Variants in ZFHX3 observed in about 807,000 individuals in gnomAD.
The protein encoded by ZFHX3 is zinc finger homeobox protein 3.
A neutral mutation model predicts 279.1 loss-of-function variants in ZFHX3; 42 were observed. The ratio of observed to expected loss-of-function variants is 0.15; its 90% confidence interval spans 0.12 to 0.19. The LOEUF is 0.19. Among genes scored for constraint, ZFHX3 ranks in the 10% least tolerant of loss-of-function variants. The probability of loss-of-function intolerance (pLI) is 1.00; values close to 1 mark genes in which losing one functional copy is unlikely to be tolerated. For synonymous variants in ZFHX3, 2,293 were observed against 1,957.8 expected (o/e 1.17, Z -4.52); for missense variants, 4,981 against 4,754.0 (o/e 1.05, Z -1.40).
chr16:73,200,147 G>A (rs931036721), intron 5 of ZFHX3, among the ~76,000 whole-genome samples: 1 of 152,098 alleles, frequency 6.6e-6, no homozygotes, highest in East Asian at 1.9e-4. Flanking sequence ...GTGTTATGAA[G>A]AAGAATAAAA....
chr16:73,789,259 T>C lies in ZFHX3; in HGVS notation c.-1608+102392A>G, dbSNP rs535131425. 9.2e-5 allele frequency among the ~76,000 whole-genome samples: 14 copies of C among 151,960 alleles called. No individual in the cohort carries two copies. In the South Asian group the frequency reaches 2.9e-3, roughly 32 times the overall value. On this transcript the variant is annotated intron_variant, in intron 1 of 17. Transcript: ENST00000641206. ...GCAGTGGTGTGATATCAACTCACTA[T>C]AACCAACGCCTCCCAGGTTCAAGCG...
intron 7 of ZFHX3, among the ~76,000 whole-genome samples, chr16:73,130,545 A>G (rs1221614707): frequency 7.9e-5 from 12 of 152,244 alleles, no homozygotes; most frequent in Non-Finnish European, 1.5e-5. Context: ...ATCATTTTAA[A>G]ACATGATGTT....
chr16:72,824,144 A>G (rs1309359205), intron 5 of ZFHX3, among the ~76,000 whole-genome samples: 10 of 152,132 alleles, frequency 6.6e-5, no homozygotes, highest in African/African-American at 1.9e-4. Context: ...GTAATTAGAA[A>G]GGCAGCAGGT....
At chr16:73,104,221 G>GTATTTATTTATTTATTTATT (rs1555498881) in intron 7 of ZFHX3, among the ~76,000 whole-genome samples, 1 of 151,506 alleles carries the variant, frequency 6.6e-6, no homozygotes, top group Non-Finnish European at 1.5e-5. Context: ...TTTATTTTAT[G>GTATTTATTTATTTATTTATT]TATTTATTTA....
chr16:73,844,937 C>T (rs1213706051), intron 1 of ZFHX3, among the ~76,000 whole-genome samples: 6 of 151,934 alleles, frequency 3.9e-5, no homozygotes, highest in Non-Finnish European at 8.8e-5. Context: ...AAAAATGGGG[C>T]ACTCAACCCC....
chr16:73,768,975 TA>T (rs1597105914), intron 1 of ZFHX3, among the ~76,000 whole-genome samples: 1 of 152,148 alleles, frequency 6.6e-6, no homozygotes, highest in East Asian at 1.9e-4. Context: ...GAAGTTCAGA[TA>T]AACAATGAAT....
chr16:73,714,832 G>A (rs2053398831), intron 1 of ZFHX3, among the ~76,000 whole-genome samples: 1 of 151,988 alleles, frequency 6.6e-6, no homozygotes, highest in African/African-American at 2.4e-5. Flanking sequence ...TCACTTTCCT[G>A]CTCAGAAATT....
chr16:73,844,628 T>C (rs1315264065), intron 1 of ZFHX3, among the ~76,000 whole-genome samples: 1 of 151,084 alleles, frequency 6.6e-6, no homozygotes, highest in East Asian at 1.9e-4. Context: ...GATGGGAAGA[T>C]GGGTAGAGGG....
chr16:73,109,448 CAAAT>C (rs1408121204), intron 7 of ZFHX3, among the ~76,000 whole-genome samples: 3 of 152,090 alleles, frequency 2.0e-5, no homozygotes, highest in Non-Finnish European at 4.4e-5. Context: ...CTTGGTATCA[CAAAT>C]AAAGCTGCAG....
chr16:73,765,366 G>T (rs1037103413), intron 1 of ZFHX3, among the ~76,000 whole-genome samples: 3 of 152,182 alleles, frequency 2.0e-5, no homozygotes, highest in Non-Finnish European at 2.9e-5. Flanking sequence ...GTGTGTATAT[G>T]GGGGAAATAT....
chr16:72,920,513 C>T (rs2039557515), intron 3 of ZFHX3, among the ~76,000 whole-genome samples: 1 of 151,232 alleles, frequency 6.6e-6, no homozygotes, highest in Non-Finnish European at 1.5e-5. Context: ...AACCCCGTCT[C>T]TACTAAAAAT....
At chr16:72,926,033 A>G (rs1237913853) in intron 3 of ZFHX3, among the ~76,000 whole-genome samples, 1 of 152,246 alleles carries the variant, frequency 6.6e-6, no homozygotes, top group Admixed American at 6.5e-5. Flanking sequence ...CGTTACAAAC[A>G]AAATTCTGTG....
intron 1 of ZFHX3, among the ~76,000 whole-genome samples, chr16:73,839,977 G>A (rs575173842): frequency 1.3e-5 from 2 of 152,264 alleles, no homozygotes; most frequent in East Asian, 3.9e-4. Context: ...CATCCTCTGT[G>A]TCCTCCCATG....
At chr16:73,443,226 A>G (rs9788947) in intron 3 of ZFHX3, among the ~76,000 whole-genome samples, 123,120 of 152,122 alleles carry the variant, frequency 0.81, 49,982 homozygotes, top group Admixed American at 0.85. Flanking sequence ...ATTTGCAAGC[A>G]TGGGGAGCAG....
At chr16:73,139,912 G>A (rs13338699) in intron 6 of ZFHX3, among the ~76,000 whole-genome samples, 19,190 of 152,144 alleles carry the variant, frequency 0.13, 1,271 homozygotes, top group African/African-American at 0.17. Flanking sequence ...TGAGACTAGC[G>A]TACTGGTTCT....
intron 2 of ZFHX3, among the ~76,000 whole-genome samples, chr16:73,600,481 A>G (rs1174019450): frequency 6.8e-6 from 1 of 147,420 alleles, no homozygotes; most frequent in African/African-American, 2.5e-5. Flanking sequence ...GCAGTGGCGC[A>G]ATCTCCACTC....
intron 7 of ZFHX3, among the ~76,000 whole-genome samples, chr16:73,098,358 G>A (rs996046017): frequency 2.0e-5 from 3 of 151,138 alleles, no homozygotes; most frequent in Non-Finnish European, 2.9e-5. Context: ...GTGAGCCACC[G>A]TGCCCCACCT....
chr16:72,885,183 C>T (rs940088560), intron 4 of ZFHX3, among the ~76,000 whole-genome samples: 1 of 152,232 alleles, frequency 6.6e-6, no homozygotes, highest in Non-Finnish European at 1.5e-5. Flanking sequence ...CAATTTACCA[C>T]AGGACTCGGC....
chr16:73,039,545 C>T (rs1235169952), intron 1 of ZFHX3, among the ~76,000 whole-genome samples: 1 of 152,186 alleles, frequency 6.6e-6, no homozygotes, highest in African/African-American at 2.4e-5. Flanking sequence ...GAAGGTGCTA[C>T]TGGCATCTAG....
Sources: gnomAD v4.1 joint callset for allele counts (sites outside exome capture counted in the v4.1 genomes callset) on GRCh38, gnomAD v4.1.1 for gene constraint, MANE v1.5 for transcripts, NCBI Gene and HGNC (gene_info 2026-07-23, HGNC 2026-07-21) for gene names.